The following BRWD1 variants were observed in gnomAD, a reference collection of about 807,000 sequenced individuals.
BRWD1 encodes bromodomain and WD repeat-containing protein 1.
A neutral mutation model predicts 251.2 loss-of-function variants in BRWD1; 82 were observed. The observed-to-expected ratio is 0.33, with a 90% confidence interval of 0.27 to 0.39. The LOEUF (loss-of-function observed/expected upper bound fraction) is 0.39. Ranked by LOEUF, BRWD1 falls within the 10% of genes least tolerant of loss-of-function variation. BRWD1 has a pLI of 1.00. For missense variants in BRWD1, 2,233 were observed against 2,711.6 expected (o/e 0.82, Z 3.92); for synonymous variants, 918 against 902.8 (o/e 1.02, Z -0.30).
Position 39,189,439 on chromosome 21 carries a change from GTTTA to G in BRWD1, c.*6816_*6819del, listed in dbSNP as rs757647033. ...CTAATTCTAACACATTTTAATAAAT[GTTTA>G]TTTGTCATCCAGAATAATGGAAAAG... On this transcript the variant is annotated 3_prime_UTR_variant, in exon 41 of 41. Transcript: ENST00000342449. The G allele has an allele frequency of 2.1e-4, 205 of 969,358 alleles. 1 individual carries two copies. The highest frequency in any genetic ancestry group is 1.2e-3 in the South Asian group (26 of 20,958). 60.0% of individuals were successfully genotyped at this position (969,358 alleles called of 1,614,324 possible). A position where few individuals can be genotyped will look rare whatever the true frequency, so the allele number is the denominator to read the frequency against.
intron 4 of BRWD1, among the ~76,000 whole-genome samples, chr21:39,300,431 T>TTGCCA (rs759711688): frequency 1.3e-5 from 2 of 152,134 alleles, no homozygotes; most frequent in Non-Finnish European, 2.9e-5. Flanking sequence ...GCAACTCCAG[T>TTGCCA]GTAAAAAATA....
chr21:39,282,660 C>CT (rs775087106), intron 8 of BRWD1, among the ~76,000 whole-genome samples: 27 of 152,172 alleles, frequency 1.8e-4, no homozygotes, highest in Middle Eastern at 3.4e-3. Flanking sequence ...TTGCAGAGTA[C>CT]TTTGAGAATT....
chr21:39,295,190 T>G (rs1485577486), intron 7 of BRWD1, among the ~76,000 whole-genome samples: 1 of 133,030 alleles, frequency 7.5e-6, no homozygotes, highest in South Asian at 2.6e-4. Context: ...TTTTTTTTTT[T>G]TTTTTTTTTT....
At chr21:39,272,385 G>A (rs961107027) in intron 13 of BRWD1, among the ~76,000 whole-genome samples, 3 of 151,158 alleles carry the variant, frequency 2.0e-5, no homozygotes, top group Non-Finnish European at 2.9e-5. Flanking sequence ...AAAATTAGCC[G>A]GGCATGTGGC....
intron 21 of BRWD1, among the ~76,000 whole-genome samples, chr21:39,243,918 G>C (rs1208053905): frequency 6.6e-6 from 1 of 152,086 alleles, no homozygotes; most frequent in Non-Finnish European, 1.5e-5. Flanking sequence ...ATTATTCTTA[G>C]AACTTTCAAG....
chr21:39,267,678 T>TA (rs1049317766), intron 15 of BRWD1, among the ~76,000 whole-genome samples: 2 of 152,190 alleles, frequency 1.3e-5, no homozygotes, highest in Non-Finnish European at 2.9e-5. Flanking sequence ...CTCAAACATA[T>TA]AAAGCCTTAA....
chr21:39,184,830 A>C (rs2031120629), downstream of BRWD1: 1 of 152,170 alleles, frequency 6.6e-6, no homozygotes, highest in Non-Finnish European at 1.5e-5. Context: ...ATGTTTTAAA[A>C]CATTAGGACT....
chr21:39,310,078 A>C (rs1477973382), intron 4 of BRWD1, among the ~76,000 whole-genome samples: 1 of 152,228 alleles, frequency 6.6e-6, no homozygotes, highest in Non-Finnish European at 1.5e-5. Flanking sequence ...TCTGATAATC[A>C]CTGAAGTTGG....
chr21:39,229,243 G>A, intron 26 of BRWD1, 69 bp downstream of exon 26: 1 of 1,346,474 alleles, frequency 7.4e-7, no homozygotes, highest in African/African-American at 1.5e-5. Flanking sequence ...GGAAGGGCAT[G>A]CTAATCATTC....
chr21:39,302,893 C>T (rs2036165912), intron 4 of BRWD1, among the ~76,000 whole-genome samples: 1 of 151,616 alleles, frequency 6.6e-6, no homozygotes, highest in Non-Finnish European at 1.5e-5. Flanking sequence ...AACCTCATCT[C>T]TACTAAAAAT....
intron 27 of BRWD1, among the ~76,000 whole-genome samples, chr21:39,225,771 T>C (rs538608135): frequency 6.6e-6 from 1 of 152,288 alleles, no homozygotes; most frequent in East Asian, 1.9e-4. Flanking sequence ...CATGTTTTAG[T>C]CTTTAGCATA....
chr21:39,213,323 T>C (rs944071385), intron 33 of BRWD1, among the ~76,000 whole-genome samples, 158 bp downstream of exon 33: 1 of 152,214 alleles, frequency 6.6e-6, no homozygotes, highest in Non-Finnish European at 1.5e-5. Flanking sequence ...AATTACCTCA[T>C]AAATCATCTA....
chr21:39,198,650 G>T (rs1434914898), intron 40 of BRWD1, 113 bp downstream of exon 40: 6 of 854,484 alleles, frequency 7.0e-6, no homozygotes, highest in Non-Finnish European at 8.9e-6. Context: ...GAGAGAAACA[G>T]CAAAGAGAAA....
At chr21:39,234,430 A>G (rs1464755829) in intron 23 of BRWD1, among the ~76,000 whole-genome samples, 1 of 152,234 alleles carries the variant, frequency 6.6e-6, no homozygotes, top group Non-Finnish European at 1.5e-5. Flanking sequence ...CATTTGAGAC[A>G]AGGTAAAGCT....
chr21:39,262,132 G>A (rs9941894), intron 17 of BRWD1, among the ~76,000 whole-genome samples: 37,756 of 152,140 alleles, frequency 0.25, 5,683 homozygotes, highest in Non-Finnish European at 0.35. Context: ...TTCAAAATGT[G>A]TATGCACCTA....
At chr21:39,208,499 C>T (rs1465426889) in intron 36 of BRWD1, among the ~76,000 whole-genome samples, 1 of 152,038 alleles carries the variant, frequency 6.6e-6, no homozygotes, top group Non-Finnish European at 1.5e-5. Flanking sequence ...TTGTAGACAC[C>T]AAAAAATGTT....
intron 1 of BRWD1, 55 bp downstream of exon 1, chr21:39,313,388 G>T (rs1346508400): frequency 6.8e-7 from 1 of 1,476,396 alleles, no homozygotes; most frequent in Non-Finnish European, 9.0e-7. Flanking sequence ...GGGAGCCGGG[G>T]AAGCCGAAGC....
chr21:39,247,457 T>C (rs1256585893), intron 21 of BRWD1, among the ~76,000 whole-genome samples: 1 of 152,228 alleles, frequency 6.6e-6, no homozygotes, highest in Non-Finnish European at 1.5e-5. Flanking sequence ...TTTCAGATTT[T>C]GGTGCATTTC....
At chr21:39,276,129 T>C in intron 12 of BRWD1, 44 bp downstream of exon 12, 1 of 1,539,898 alleles carries the variant, frequency 6.5e-7, no homozygotes, top group Non-Finnish European at 8.9e-7. Flanking sequence ...GCACATTATA[T>C]TTGCCTAATA....
Sources: gnomAD v4.1 joint callset for allele counts (sites outside exome capture counted in the v4.1 genomes callset) on GRCh38, gnomAD v4.1.1 for gene constraint, MANE v1.5 for transcripts, NCBI Gene and HGNC (gene_info 2026-07-23, HGNC 2026-07-21) for gene names.